The following CACNA2D1 variants were observed in gnomAD, a reference collection of about 807,000 sequenced individuals.
CACNA2D1 encodes the protein voltage-dependent calcium channel subunit alpha-2/delta-1.
In CACNA2D1, 53 loss-of-function variants were observed where a neutral mutation model predicts 171.5. The observed-to-expected ratio is 0.31, with a 90% CI of 0.25 to 0.39. The LOEUF is 0.39. Ranked by LOEUF, CACNA2D1 falls within the 10% of genes least tolerant of loss-of-function variation. The pLI is 1.00. For missense variants in CACNA2D1, 903 were observed against 1,299.8 expected (o/e 0.69, Z 4.69); for synonymous variants, 442 against 443.1 (o/e 1.00, Z 0.03).
At chr7:82,332,610 A>G (rs1817513002) in intron 3 of CACNA2D1, among the ~76,000 whole-genome samples, 1 of 151,110 alleles carries the variant, frequency 6.6e-6, no homozygotes, top group South Asian at 2.1e-4. Flanking sequence ...TATAAAAGAT[A>G]GTAAACAAAA....
At chr7:81,961,833 ATTATAACAGTATATAC>A in intron 36 of CACNA2D1, 45 bp downstream of exon 36, 1 of 1,039,084 alleles carries the variant, frequency 9.6e-7, no homozygotes, top group Non-Finnish European at 1.5e-6. Flanking sequence ...TTTCTTAATG[ATTATAACAGTATATAC>A]AATTTCTTAA....
At chr7:82,324,609 A>G (rs2129441420) in intron 3 of CACNA2D1, among the ~76,000 whole-genome samples, 1 of 152,126 alleles carries the variant, frequency 6.6e-6, no homozygotes, top group South Asian at 2.1e-4. Flanking sequence ...ATTATTTTAG[A>G]CTTAAAAATC....
chr7:82,267,133 T>C (rs1298879994), intron 3 of CACNA2D1, among the ~76,000 whole-genome samples: 6 of 152,172 alleles, frequency 3.9e-5, no homozygotes, highest in Admixed American at 2.0e-4. Context: ...TTCAAATAGA[T>C]TCAAGACAAA....
At chr7:82,411,549 T>C (rs3779447) in intron 1 of CACNA2D1, among the ~76,000 whole-genome samples, 5,325 of 152,138 alleles carry the variant, frequency 0.035, 175 homozygotes, top group East Asian at 0.12. Flanking sequence ...GATAAAGAAG[T>C]AATATTATTT....
At chr7:82,238,501 T>G (rs76814344) in intron 3 of CACNA2D1, among the ~76,000 whole-genome samples, 3,167 of 151,960 alleles carry the variant, frequency 0.021, 116 homozygotes, top group African/African-American at 0.073. Context: ...CACTAATCAT[T>G]AGGGAAATGC....
intron 1 of CACNA2D1, among the ~76,000 whole-genome samples, chr7:82,364,892 C>T (rs548275075): frequency 3.9e-5 from 6 of 152,256 alleles, no homozygotes; most frequent in South Asian, 2.1e-4. Context: ...TTGTGTTCAT[C>T]GCAATGTCTT....
rs4321937 is a variant in CACNA2D1 at position 81,969,167 on chromosome 7, T to A, written c.2309-194A>T. ...GCTAACTGGTATATCCATGAATTGG[T>A]TTGTATTAATTGATTCGGGGACATT... On this transcript the variant is annotated intron_variant, in intron 28 of 38. Transcript: ENST00000356860. 0.17 allele frequency among the ~76,000 whole-genome samples: 25,127 copies of A among 151,280 alleles called. 2,426 individuals are homozygous for A. The highest frequency in any genetic ancestry group is 0.33 in the East Asian group (1,679 of 5,126).
chr7:82,393,067 AAGGAAGGAAGGAAGGAAGGCAGGC>A (rs1202400400), intron 1 of CACNA2D1, among the ~76,000 whole-genome samples: 7 of 122,960 alleles, frequency 5.7e-5, no homozygotes, highest in African/African-American at 2.5e-4. Flanking sequence ...GGAAGGAAGG[AAGGAAGGAAGGAAGGAAGGCAGGC>A]AGGCAGGCAG....
At chr7:82,053,763 A>G (rs935189271) in intron 10 of CACNA2D1, among the ~76,000 whole-genome samples, 43 of 152,310 alleles carry the variant, frequency 2.8e-4, no homozygotes, top group African/African-American at 1.0e-3. Flanking sequence ...TGTTTATGAC[A>G]TATTAATGGA....
intron 3 of CACNA2D1, among the ~76,000 whole-genome samples, chr7:82,325,950 A>G (rs1816600033): frequency 6.6e-6 from 1 of 152,054 alleles, no homozygotes; most frequent in Non-Finnish European, 1.5e-5. Flanking sequence ...CAGCATCCCA[A>G]AGATATGTAC....
Position 82,145,402 on chromosome 7 carries a change from T to C in CACNA2D1, c.355-8726A>G, listed in dbSNP as rs879450314. On this transcript the variant is annotated intron_variant, in intron 4 of 38. Coordinates refer to ENST00000356860, the MANE Select transcript of CACNA2D1 (RefSeq NM_000722.4). Reference sequence around the variant, plus strand: ...ATATATTATATATGTATTATATATATTGCATATTATATATTATGTAAATTA... The same window carrying C: ...ATATATTATATATGTATTATATATACTGCATATTATATATTATGTAAATTA... Among the ~76,000 whole-genome samples, 370 of 144,862 alleles carry C rather than the reference T, an allele frequency of 2.6e-3. 2 individuals carry two copies. Among genetic ancestry groups the C allele is most frequent in the Admixed American group, 3.4e-3 (49 of 14,214 alleles).
Position 82,335,089 on chromosome 7 carries a change from A to G in CACNA2D1, c.294+46T>C, listed in dbSNP as rs138682562. The G allele has an allele frequency of 1.3e-3, 1,600 of 1,188,918 alleles. 17 individuals carry two copies. The East Asian group carries it at 0.026, about 19-fold the overall frequency. The allele number at this position is 1,188,918 out of a possible 1,614,324, so 73.6% of individuals were successfully genotyped here. On this transcript the variant is annotated intron_variant, in intron 3 of 38. Coordinates refer to ENST00000356860, the MANE Select transcript of CACNA2D1 (RefSeq NM_000722.4). The stretch of plus-strand genomic sequence containing the variant: ...ATAGAGCATGAAAATTAAATAATAG[A>G]TAAGTAAGGAAAATAATAAAATGAG...
At chr7:82,090,837 G>T (rs1422486499) in intron 6 of CACNA2D1, among the ~76,000 whole-genome samples, 2 of 152,012 alleles carry the variant, frequency 1.3e-5, no homozygotes, top group Non-Finnish European at 2.9e-5. Context: ...AACACTTATT[G>T]TAAGTATGAT....
intron 19 of CACNA2D1, 101 bp from the exon 20 acceptor site, chr7:81,995,040 G>A (rs1171851554): frequency 1.1e-5 from 7 of 654,070 alleles, no homozygotes; most frequent in Non-Finnish European, 2.0e-5. Context: ...ACCTTATTTA[G>A]AACAAATAAA....
chr7:82,215,511 T>C (rs947557345), intron 3 of CACNA2D1, among the ~76,000 whole-genome samples: 20 of 152,150 alleles, frequency 1.3e-4, no homozygotes, highest in Admixed American at 7.9e-4. Flanking sequence ...AAAATAAATA[T>C]GATTTCTTAG....
chr7:82,428,798 T>C (rs976768150), intron 1 of CACNA2D1, among the ~76,000 whole-genome samples: 2 of 152,214 alleles, frequency 1.3e-5, no homozygotes, highest in African/African-American at 4.8e-5. Context: ...ACACAGGCTA[T>C]ACCAGAAGCA....
chr7:82,291,635 C>CTG (rs1191106893), intron 3 of CACNA2D1, among the ~76,000 whole-genome samples: 9 of 134,476 alleles, frequency 6.7e-5, no homozygotes, highest in East Asian at 4.3e-4. Context: ...TTATATCTAT[C>CTG]TGTGTGTGTG....
In CACNA2D1 at chr7:82,006,028, C is replaced by CATT. The variant is rs2067168; in HGVS notation, c.1441-190_1441-189insAAT. Among the ~76,000 whole-genome samples, 3,584 of 151,938 alleles carry CATT rather than the reference C, an allele frequency of 0.024. 133 individuals carry two copies. Among genetic ancestry groups the CATT allele is most frequent in the African/African-American group, 0.075 (3,121 of 41,474 alleles). Reference sequence around the variant, plus strand: ...GCTTTGTTTCCCACAACTTTATCATCATCATTTAACTTAGCAAAGAAAATC... The same window carrying CATT: ...GCTTTGTTTCCCACAACTTTATCATCATTATCATTTAACTTAGCAAAGAAAATC... On this transcript the variant is annotated intron_variant, in intron 16 of 38. Transcript: ENST00000356860.
intron 20 of CACNA2D1, among the ~76,000 whole-genome samples, 177 bp downstream of exon 20, chr7:81,994,691 A>G (rs894621014): frequency 1.3e-5 from 2 of 152,064 alleles, no homozygotes; most frequent in Non-Finnish European, 2.9e-5. Context: ...GGTTAAAAAT[A>G]TATCTTAGTG....
Sources: allele counts gnomAD v4.1 joint callset (sites outside exome capture counted in the v4.1 genomes callset), GRCh38; gene constraint gnomAD v4.1.1; transcripts MANE v1.5; gene names NCBI Gene and HGNC (gene_info 2026-07-23, HGNC 2026-07-21).